HHAT: variants seen among roughly 807,000 people sequenced by gnomAD.
HHAT encodes hedgehog acyltransferase.
Under a neutral mutation model 70.8 loss-of-function variants are expected in HHAT, and 47 were observed. The observed-to-expected ratio is 0.66, with a 90% CI of 0.53 to 0.85. The LOEUF is 0.85. Among genes scored for constraint, HHAT ranks in the 40% least tolerant of loss-of-function variants. The pLI is 0.00. For synonymous variants in HHAT, 228 were observed against 247.6 expected (o/e 0.92, Z 0.74); for missense variants, 609 against 604.8 (o/e 1.01, Z -0.07).
intron 9 of HHAT, among the ~76,000 whole-genome samples, chr1:210,585,650 C>G (rs1660273351): frequency 6.6e-6 from 1 of 152,104 alleles, no homozygotes; most frequent in South Asian, 2.1e-4. Flanking sequence ...AACTCCTGAC[C>G]TCAGGTGATC....
chr1:210,405,042 A>G (rs1375236551), intron 6 of HHAT, among the ~76,000 whole-genome samples: 1 of 152,206 alleles, frequency 6.6e-6, no homozygotes, highest in Non-Finnish European at 1.5e-5. Flanking sequence ...GAAGGAATAG[A>G]AAAGGAAACT....
chr1:210,502,579 A>T (rs1200009041), intron 8 of HHAT, among the ~76,000 whole-genome samples: 1 of 152,172 alleles, frequency 6.6e-6, no homozygotes, highest in Non-Finnish European at 1.5e-5. Context: ...TCATGCATTC[A>T]TGCATTTACA....
At chr1:210,575,623 G>A (rs1396809889) in intron 9 of HHAT, among the ~76,000 whole-genome samples, 1 of 152,158 alleles carries the variant, frequency 6.6e-6, no homozygotes, top group East Asian at 1.9e-4. Flanking sequence ...GCCTTGGCAT[G>A]TCCCTGTTTG....
At chr1:210,673,969 T>TTTA (rs1377317687) in intron 11 of HHAT, among the ~76,000 whole-genome samples, 1 of 150,330 alleles carries the variant, frequency 6.7e-6, no homozygotes. Context: ...TTTTTTTTTT[T>TTTA]TTATTATACT....
intron 9 of HHAT, among the ~76,000 whole-genome samples, chr1:210,555,386 A>C (rs1388468555): frequency 6.6e-6 from 1 of 152,172 alleles, no homozygotes; most frequent in African/African-American, 2.4e-5. Flanking sequence ...AGATCTCGCC[A>C]GTGCTGGGGA....
chr1:210,349,818 T>C (rs1423693230), intron 2 of HHAT, among the ~76,000 whole-genome samples: 2 of 151,972 alleles, frequency 1.3e-5, no homozygotes, highest in Admixed American at 6.6e-5. Flanking sequence ...GCCTGGCTAA[T>C]TTTTGTATTT....
intron 10 of HHAT, among the ~76,000 whole-genome samples, chr1:210,613,908 T>G (rs1275275699): frequency 6.6e-6 from 1 of 151,160 alleles, no homozygotes; most frequent in Non-Finnish European, 1.5e-5. Flanking sequence ...TGGTCCCAGC[T>G]TCTTAGGAGG....
intron 8 of HHAT, among the ~76,000 whole-genome samples, chr1:210,503,978 A>G (rs1572891309): frequency 6.6e-6 from 1 of 152,242 alleles, no homozygotes; most frequent in South Asian, 2.1e-4. Flanking sequence ...TGTCTTAGAT[A>G]TAACACCAAA....
intron 10 of HHAT, among the ~76,000 whole-genome samples, chr1:210,599,751 C>T (rs1283623077): frequency 2.6e-5 from 4 of 152,306 alleles, no homozygotes; most frequent in Non-Finnish European, 4.4e-5. Context: ...TTATTATCCT[C>T]ATAGTCCTGA....
chr1:210,563,047 C>G (rs1452534390), intron 9 of HHAT, among the ~76,000 whole-genome samples: 1 of 152,026 alleles, frequency 6.6e-6, no homozygotes, highest in African/African-American at 2.4e-5. Context: ...CTCGGAGCCT[C>G]GCAACTTGTA....
intron 8 of HHAT, among the ~76,000 whole-genome samples, chr1:210,507,358 T>C (rs547217262): frequency 2.1e-5 from 3 of 144,110 alleles, no homozygotes; most frequent in African/African-American, 7.4e-5. Context: ...TTTTCTTTTT[T>C]CTTTTTTTTT....
At chr1:210,570,909 G>A (rs1458522529) in intron 9 of HHAT, among the ~76,000 whole-genome samples, 1 of 152,152 alleles carries the variant, frequency 6.6e-6, no homozygotes, top group Non-Finnish European at 1.5e-5. Flanking sequence ...TACCCCATAA[G>A]AGGGGTAAGT....
At chr1:210,428,030 C>T (rs1237562014) in intron 7 of HHAT, among the ~76,000 whole-genome samples, 1 of 149,112 alleles carries the variant, frequency 6.7e-6, no homozygotes, top group Non-Finnish European at 1.5e-5. Flanking sequence ...GAGTTGAATC[C>T]TTTACCATAA....
chr1:210,635,373 G>A (rs1170203083), intron 11 of HHAT, among the ~76,000 whole-genome samples: 1 of 152,232 alleles, frequency 6.6e-6, no homozygotes, highest in East Asian at 1.9e-4. Flanking sequence ...CCATGCTGAG[G>A]TGTGTGCACT....
At chr1:210,405,293 T>A (rs1419274829) in intron 6 of HHAT, among the ~76,000 whole-genome samples, 1 of 152,128 alleles carries the variant, frequency 6.6e-6, no homozygotes, top group Non-Finnish European at 1.5e-5. Context: ...GCTACCTCTG[T>A]TGTTCCCCCC....
chr1:210,616,782 GTTAC>G (rs1290408846), intron 10 of HHAT, among the ~76,000 whole-genome samples: 3 of 152,206 alleles, frequency 2.0e-5, no homozygotes, highest in African/African-American at 7.2e-5. Flanking sequence ...ATTCAGGTAA[GTTAC>G]TTAATCTCTC....
chr1:210,459,174 T>A (rs891181740), intron 7 of HHAT, among the ~76,000 whole-genome samples: 3 of 152,172 alleles, frequency 2.0e-5, no homozygotes, highest in African/African-American at 7.2e-5. Context: ...CTTTCTCTCC[T>A]TTTTACCAAT....
intron 9 of HHAT, among the ~76,000 whole-genome samples, chr1:210,558,813 C>G (rs191766569): frequency 9.2e-5 from 14 of 152,240 alleles, no homozygotes; most frequent in Middle Eastern, 6.8e-3. Context: ...GGGTTGGGGT[C>G]ATGTGGCTGG....
At chr1:210,363,052 A>G in intron 3 of HHAT, 133 bp downstream of exon 3, 1 of 752,088 alleles carries the variant, frequency 1.3e-6, no homozygotes, top group Non-Finnish European at 2.3e-6. Flanking sequence ...TTTGCCGTAA[A>G]GGTGTGAGTG....
Sources: allele counts gnomAD v4.1 joint callset (sites outside exome capture counted in the v4.1 genomes callset), GRCh38; gene constraint gnomAD v4.1.1; transcripts MANE v1.5; gene names NCBI Gene and HGNC (gene_info 2026-07-23, HGNC 2026-07-21).